XPO1: variants seen among roughly 807,000 people sequenced by gnomAD.
XPO1 encodes the protein exportin 1.
XPO1 carries 5 observed loss-of-function variants against 133.3 expected under a neutral mutation model. The observed-to-expected ratio is 0.04, with a 90% CI of 0.02 to 0.08. XPO1 has a LOEUF of 0.08. XPO1 is among the 10% of genes least tolerant of loss of function. The pLI, the probability that XPO1 is intolerant of heterozygous loss-of-function variation, is 1.00. For missense variants in XPO1, 506 were observed against 1,267.5 expected (o/e 0.40, Z 9.12); for synonymous variants, 419 against 408.2 (o/e 1.03, Z -0.32).
chr2:61,501,733 A>AG (rs1553408714), intron 6 of XPO1, among the ~76,000 whole-genome samples: 7 of 137,722 alleles, frequency 5.1e-5, no homozygotes, highest in Non-Finnish European at 7.7e-5. Context: ...AAAAAAAAAA[A>AG]AAAAGAAAAG....
In XPO1 at chr2:61,499,697, CA is replaced by C. The variant is rs1452491466; in HGVS notation, c.590+15del. ...GAGAAATCACTTTAAAATTCTAAAA[CA>C]TAATTATTACTTGCCTGTCTTTTAA... On this transcript the variant is annotated intron_variant, in intron 7 of 24. Coordinates refer to ENST00000401558, the MANE Select transcript of XPO1 (RefSeq NM_003400.4). The C allele has an allele frequency of 6.4e-7, 1 of 1,555,770 alleles. No individual in the cohort carries two copies. The highest frequency in any genetic ancestry group is 8.6e-7 in the Non-Finnish European group (1 of 1,157,982).
chr2:61,500,209 G>A (rs1056711531), intron 6 of XPO1, among the ~76,000 whole-genome samples: 1 of 152,128 alleles, frequency 6.6e-6, no homozygotes, highest in South Asian at 2.1e-4. Flanking sequence ...GAGGCCTTGC[G>A]CGGTTGCTCA....
intron 20 of XPO1, 171 bp from the exon 21 acceptor site, chr2:61,484,276 G>A (rs904065619): frequency 1.8e-5 from 10 of 564,984 alleles, no homozygotes; most frequent in African/African-American, 5.7e-5. Context: ...CACCTCTCAC[G>A]GAAAATGAAA....
At chr2:61,537,329 G>A (rs1047280168) in intron 1 of XPO1, among the ~76,000 whole-genome samples, 55 of 151,638 alleles carry the variant, frequency 3.6e-4, no homozygotes, top group Non-Finnish European at 5.9e-4. Flanking sequence ...ACACGCGAAT[G>A]ACCCAGCAAG....
chr2:61,492,287 A>T lies in XPO1; in HGVS notation c.1723+38T>A. On this transcript the variant is annotated intron_variant, in intron 15 of 24. Transcript: ENST00000401558. The surrounding 1 kb of genome is among the most constrained non-coding windows in gnomAD (Gnocchi z 5.6). The stretch of plus-strand genomic sequence containing the variant: ...AAAACATTCATTTATTTTCTTCAAT[A>T]AAAATAAAAGCAAAATATAGTAAAG... 6.3e-7 allele frequency: 1 copy of T among 1,581,720 alleles called. No homozygotes were observed. The highest frequency in any genetic ancestry group is 8.6e-7 in the Non-Finnish European group (1 of 1,169,588).
At chr2:61,533,944 T>G in intron 1 of XPO1, 41 bp from the exon 2 acceptor site, 1 of 1,430,910 alleles carries the variant, frequency 7.0e-7, no homozygotes, top group Non-Finnish European at 9.2e-7. Flanking sequence ...CTATCAAGTT[T>G]TGGTATTATC....
chr2:61,510,574 A>G (rs1698040247), intron 4 of XPO1, among the ~76,000 whole-genome samples: 1 of 152,190 alleles, frequency 6.6e-6, no homozygotes, highest in Non-Finnish European at 1.5e-5. Context: ...GGCCTCAAAC[A>G]CACTGGACAA....
At position 61,495,426 on chromosome 2, in the gene XPO1, TTTA is replaced by T. The variant is rs781477679; in HGVS notation, c.1047+26_1047+28del. On this transcript the variant is annotated intron_variant, in intron 11 of 24. Transcript: ENST00000401558. ...GAGTTATTAGTAGGCAGAGCAGAAT[TTTA>T]GGAGCAAAAGCTCCACATATCTTAC... 8 of 1,489,928 alleles carry T rather than the reference TTTA, an allele frequency of 5.4e-6. No individual in the cohort carries two copies. The Admixed American group carries it at 1.6e-4, about 30-fold the overall frequency. 92.3% of individuals were successfully genotyped at this position (1,489,928 alleles called of 1,614,324 possible).
intron 16 of XPO1, among the ~76,000 whole-genome samples, chr2:61,491,459 AACACACAC>A (rs61072503): frequency 0.39 from 55,600 of 142,844 alleles, 11,181 homozygotes; most frequent in East Asian, 0.56. Flanking sequence ...TCAAAAAACA[AACACACAC>A]ACACACACAC....
In XPO1 at chr2:61,495,452, T is replaced by C; in HGVS notation, c.1047+3A>G. On this transcript the variant is annotated splice_donor_region_variant and intron_variant, in intron 11 of 24. Coordinates refer to ENST00000401558, the MANE Select transcript of XPO1 (RefSeq NM_003400.4). ...TTAGGAGCAAAAGCTCCACATATCT[T>C]ACCTCCATAAGAGTTTCCCTGAGAT... is the stretch of plus-strand genomic sequence containing the variant. The C allele has an allele frequency of 1.3e-6, 2 of 1,540,430 alleles. No individual in the cohort carries two copies. The highest frequency in any genetic ancestry group is 1.8e-6 in the Non-Finnish European group (2 of 1,138,834).
chr2:61,518,410 AAAACAAAACACACACACACACACAC>A lies in XPO1; in HGVS notation c.301+4176_301+4200del, dbSNP rs1322982812. On this transcript the variant is annotated intron_variant, in intron 4 of 24. Transcript: ENST00000401558. Reference sequence around the variant, plus strand: ...TACTAAAAAAAAAAACAAAAAACAAAAAACAAAACACACACACACACACACACACACACACACACACACACACACA... The same window carrying A: ...TACTAAAAAAAAAAACAAAAAACAAAACACACACACACACACACACACACA... 9.3e-4 allele frequency among the ~76,000 whole-genome samples: 135 copies of A among 144,946 alleles called. 2 individuals are homozygous for A. Among genetic ancestry groups the A allele is most frequent in the African/African-American group, 2.5e-3 (97 of 38,094 alleles).
chr2:61,530,597 G>A (rs983902383), intron 2 of XPO1, among the ~76,000 whole-genome samples: 13 of 151,866 alleles, frequency 8.6e-5, no homozygotes, highest in African/African-American at 3.1e-4. Flanking sequence ...ATAACAGAGG[G>A]TAGAGGGTAG....
chr2:61,525,600 TATAAA>T, intron 3 of XPO1: 4 of 1,019,146 alleles, frequency 3.9e-6, no homozygotes, highest in Non-Finnish European at 4.7e-6. Context: ...TGTCTGTCAG[TATAAA>T]AAGCAAAATT....
chr2:61,534,888 A>C (rs35344804), intron 1 of XPO1, among the ~76,000 whole-genome samples: 99,380 of 151,406 alleles, frequency 0.66, 33,114 homozygotes, highest in African/African-American at 0.78. Context: ...GATTGAAATA[A>C]AGCTACAAAC....
chr2:61,497,474 G>A (rs2104477597), intron 9 of XPO1, among the ~76,000 whole-genome samples: 1 of 152,312 alleles, frequency 6.6e-6, no homozygotes, highest in East Asian at 1.9e-4. Context: ...ACCTCCCAAA[G>A]TGCTGGGATT....
chr2:61,488,416 G>C, intron 18 of XPO1, 145 bp from the exon 19 acceptor site: 1 of 1,187,680 alleles, frequency 8.4e-7, no homozygotes, highest in African/African-American at 1.5e-5. Flanking sequence ...TAAGCTTTAA[G>C]ACTAATTTTA....
At chr2:61,481,462 T>A (rs1252438977) in intron 23 of XPO1, among the ~76,000 whole-genome samples, 181 bp from the exon 24 acceptor site, 2 of 151,224 alleles carry the variant, frequency 1.3e-5, no homozygotes, top group Non-Finnish European at 3.0e-5. Context: ...TAATCAAGAA[T>A]TTTTTTTTAA....
chr2:61,497,855 G>A (rs762469818), intron 9 of XPO1, among the ~76,000 whole-genome samples: 2 of 152,150 alleles, frequency 1.3e-5, no homozygotes, highest in Non-Finnish European at 1.5e-5. Flanking sequence ...AATATCTTAT[G>A]TCTGAGAATG....
intron 4 of XPO1, among the ~76,000 whole-genome samples, chr2:61,521,639 T>C (rs921316956): frequency 6.6e-6 from 1 of 152,218 alleles, no homozygotes; most frequent in Non-Finnish European, 1.5e-5. Flanking sequence ...TTTCTTCATT[T>C]CAGAAGCCAA....
Sources: gnomAD v4.1 joint callset for allele counts (sites outside exome capture counted in the v4.1 genomes callset) on GRCh38, gnomAD v4.1.1 for gene constraint, Gnocchi (gnomAD v3.1) non-coding constraint, MANE v1.5 for transcripts, NCBI Gene and HGNC (gene_info 2026-07-23, HGNC 2026-07-21) for gene names.